The following PCDH9 variants were observed in gnomAD, a reference collection of about 807,000 sequenced individuals.
PCDH9 encodes protocadherin 9.
Under a neutral mutation model 70.6 loss-of-function variants are expected in PCDH9, and 24 were observed. The ratio of observed to expected loss-of-function variants is 0.34; its 90% CI spans 0.25 to 0.48. The LOEUF (loss-of-function observed/expected upper bound fraction) is 0.48, where lower values mean the gene tolerates loss of function less well. Among genes scored for constraint, PCDH9 ranks in the 20% least tolerant of loss-of-function variants. The pLI is 0.99. For synonymous variants in PCDH9, 562 were observed against 558.5 expected (o/e 1.01, Z -0.09); for missense variants, 1,281 against 1,503.6 (o/e 0.85, Z 2.45).
intron 4 of PCDH9, among the ~76,000 whole-genome samples, chr13:66,416,643 G>A (rs1279768469): frequency 6.6e-6 from 1 of 152,180 alleles, no homozygotes; most frequent in Non-Finnish European, 1.5e-5. Flanking sequence ...TATGCTTAGT[G>A]TAGGTCAGAT....
In PCDH9 at chr13:67,225,676, G is replaced by A. The variant is rs199964981; in HGVS notation, c.2765C>T (p.Pro922Leu). Reference protein sequence around the residue: ...EQSIGRFDWGPAPPTTFKPNS... With the variant: ...EQSIGRFDWGLAPPTTFKPNS... ...AGGCTTGAATGTTGTTGGAGGTGCC[G>A]GGCCCCAGTCAAATCTTCCTATACT... is the stretch of plus-strand genomic sequence containing the variant. The change falls in exon 2 of 5, where the codon CCG becomes CTG. Residue 922 changes from proline to leucine, a missense_variant. Coordinates refer to ENST00000377865, the MANE Select transcript of PCDH9 (RefSeq NM_203487.3). 1.0e-3 allele frequency: 1,647 copies of A among 1,614,094 alleles called. 19 individuals carry two copies. Among genetic ancestry groups the A allele is most frequent in the Non-Finnish European group, 1.4e-4 (166 of 1,180,010 alleles).
At chr13:66,756,361 A>G (rs2079538139) in intron 3 of PCDH9, among the ~76,000 whole-genome samples, 1 of 152,202 alleles carries the variant, frequency 6.6e-6, no homozygotes, top group Non-Finnish European at 1.5e-5. Context: ...GTAAATTAGC[A>G]TAGAAGACTA....
At chr13:66,975,882 CAAT>C in intron 2 of PCDH9, among the ~76,000 whole-genome samples, 1 of 152,076 alleles carries the variant, frequency 6.6e-6, no homozygotes, top group South Asian at 2.1e-4. Context: ...AGGAACTTTA[CAAT>C]GAGTGGAAAG....
intron 2 of PCDH9, among the ~76,000 whole-genome samples, chr13:67,176,349 A>T (rs1294600052): frequency 6.6e-6 from 1 of 152,100 alleles, no homozygotes; most frequent in Non-Finnish European, 1.5e-5. Context: ...CCCCATGCTT[A>T]ACCAGATGAT....
intron 2 of PCDH9, among the ~76,000 whole-genome samples, chr13:66,955,541 T>A (rs1174616183): frequency 6.6e-6 from 1 of 152,160 alleles, no homozygotes; most frequent in Non-Finnish European, 1.5e-5. Context: ...GATTCTTTCA[T>A]GTTATGAGAC....
At chr13:66,416,872 C>A (rs140372582) in intron 4 of PCDH9, among the ~76,000 whole-genome samples, 1 of 152,192 alleles carries the variant, frequency 6.6e-6, no homozygotes, top group East Asian at 1.9e-4. Context: ...CCTGAGAAAA[C>A]GTCTTGAATG....
intron 3 of PCDH9, among the ~76,000 whole-genome samples, chr13:66,772,956 T>C (rs1255647175): frequency 6.6e-6 from 1 of 152,122 alleles, no homozygotes; most frequent in African/African-American, 2.4e-5. Flanking sequence ...CATTTAAATT[T>C]CGTTGACTAC....
chr13:66,488,739 G>T (rs1294457037), intron 4 of PCDH9, among the ~76,000 whole-genome samples: 1 of 152,038 alleles, frequency 6.6e-6, no homozygotes, highest in Non-Finnish European at 1.5e-5. Flanking sequence ...TAATGACATT[G>T]GTGATAGCTC....
At chr13:66,468,521 A>G (rs1958557638) in intron 4 of PCDH9, among the ~76,000 whole-genome samples, 1 of 152,122 alleles carries the variant, frequency 6.6e-6, no homozygotes, top group Non-Finnish European at 1.5e-5. Context: ...TCTTGAAAAG[A>G]AGATTTGTTA....
intron 3 of PCDH9, among the ~76,000 whole-genome samples, chr13:66,804,288 C>T (rs1385417912): frequency 6.6e-6 from 1 of 152,120 alleles, no homozygotes; most frequent in Non-Finnish European, 1.5e-5. Flanking sequence ...TTTACTGAAT[C>T]ACCAATAATT....
chr13:66,684,815 G>A (rs2078377140), intron 3 of PCDH9, among the ~76,000 whole-genome samples: 2 of 152,158 alleles, frequency 1.3e-5, no homozygotes, highest in East Asian at 1.9e-4. Context: ...AAGTGATTTT[G>A]GAACTGGGTT....
At chr13:67,076,070 T>A in intron 2 of PCDH9, among the ~76,000 whole-genome samples, 1 of 152,162 alleles carries the variant, frequency 6.6e-6, no homozygotes, top group East Asian at 1.9e-4. Context: ...ACTTATAACA[T>A]CGAACCTTTC....
chr13:66,339,365 G>A (rs571490084), intron 4 of PCDH9, among the ~76,000 whole-genome samples: 1 of 152,056 alleles, frequency 6.6e-6, no homozygotes. Context: ...AATTTATTGT[G>A]AGAGATGTGT....
intron 3 of PCDH9, among the ~76,000 whole-genome samples, chr13:66,731,395 T>C (rs766468074): frequency 2.1e-4 from 32 of 152,154 alleles, no homozygotes; most frequent in Non-Finnish European, 3.1e-4. Flanking sequence ...TTTTAGCCTT[T>C]AGATTTTGAA....
chr13:66,327,421 G>T (rs1486303619), intron 4 of PCDH9, among the ~76,000 whole-genome samples: 1 of 152,154 alleles, frequency 6.6e-6, no homozygotes, highest in Non-Finnish European at 1.5e-5. Flanking sequence ...GAGACCTCTT[G>T]GTGTAGAACT....
intron 3 of PCDH9, among the ~76,000 whole-genome samples, chr13:66,855,726 A>G (rs1018677164): frequency 2.0e-5 from 3 of 152,042 alleles, no homozygotes; most frequent in African/African-American, 7.2e-5. Flanking sequence ...AATGATTGAT[A>G]AAGCTGGGAA....
At position 66,652,796 on chromosome 13, in the gene PCDH9, A is replaced by T. The variant is rs138459294; in HGVS notation, c.3139-21385T>A. 4.9e-4 allele frequency among the ~76,000 whole-genome samples: 75 copies of T among 152,256 alleles called. 1 individual carries two copies. In the East Asian group the frequency reaches 0.015, roughly 29 times the overall value. On this transcript the variant is annotated intron_variant, in intron 3 of 4. Transcript: ENST00000377865. ...AAACAGGCACATTTACCAATTGAAT[A>T]GAATAGAGAACAAATGGAGAAACAA...
intron 2 of PCDH9, among the ~76,000 whole-genome samples, chr13:67,164,613 AC>A (rs1338908340): frequency 6.6e-6 from 1 of 151,572 alleles, no homozygotes; most frequent in Non-Finnish European, 1.5e-5. Flanking sequence ...AAAGACTATA[AC>A]ATTTGACTCC....
chr13:67,057,649 T>C (rs1379855501), intron 2 of PCDH9, among the ~76,000 whole-genome samples: 1 of 152,052 alleles, frequency 6.6e-6, no homozygotes, highest in Non-Finnish European at 1.5e-5. Flanking sequence ...TTCAGAAAGA[T>C]CTAGGTCTGA....
Sources: allele counts gnomAD v4.1 joint callset (sites outside exome capture counted in the v4.1 genomes callset), GRCh38; gene constraint gnomAD v4.1.1; transcripts MANE v1.5; gene names NCBI Gene and HGNC (gene_info 2026-07-23, HGNC 2026-07-21).